The following FRY variants were observed in gnomAD, a reference collection of about 807,000 sequenced individuals.
The protein encoded by FRY is FRY microtubule binding protein.
FRY carries 128 observed loss-of-function variants against 348.4 expected under a neutral mutation model. That is an observed-to-expected ratio of 0.37 (90% confidence interval 0.32 to 0.43). The LOEUF is 0.43. FRY is among the 20% of genes least tolerant of loss of function. The pLI, the probability that FRY is intolerant of heterozygous loss-of-function variation, is 1.00. For missense variants in FRY, 2,736 were observed against 3,695.2 expected, an observed-to-expected ratio of 0.74 and a Z score of 6.73; for synonymous variants, 1,370 against 1,374.7, an observed-to-expected ratio of 1.00 and a Z score of 0.08.
rs372130545 is a variant in FRY, at chr13:32,295,297, C to T, written c.8879C>T (p.Thr2960Met). 43 of 1,613,776 alleles carry T rather than the reference C, an allele frequency of 2.7e-5. No individual in the cohort carries two copies. Among genetic ancestry groups the T allele is most frequent in the Admixed American group, 6.7e-5 (4 of 60,004 alleles). The change falls in exon 61 of 61, where the codon ACG becomes ATG. Residue 2960 changes from threonine to methionine, a missense_variant. Physicochemically the swap from Thr to Met is moderately conservative, Grantham distance 81 (BLOSUM62 -1). Around this residue, in one of 9 missense-constraint regions of FRY, gnomAD observed 157 missense variants for 215.2 expected, o/e 0.73. Coordinates refer to ENST00000542859, the MANE Select transcript of FRY (RefSeq NM_023037.3). ...IYFRHQTLGQTGTYALVGSNQ... is the reference protein window; with the variant it reads ...IYFRHQTLGQMGTYALVGSNQ... ...TTCCGTCACCAAACTCTGGGACAGA[C>T]GGGTACTTATGCCCTGGTGGGGTCT...
intron 54 of FRY, 74 bp downstream of exon 54, chr13:32,265,690 A>G: frequency 3.5e-6 from 5 of 1,411,440 alleles, no homozygotes; most frequent in Non-Finnish European, 4.9e-6. Context: ...ACTCAAGTTA[A>G]GTGTCACAGT....
intron 3 of FRY, among the ~76,000 whole-genome samples, chr13:32,106,145 TA>T (rs1289010761): frequency 6.7e-6 from 1 of 148,184 alleles, no homozygotes; most frequent in African/African-American, 2.4e-5. Context: ...ACATTAAATA[TA>T]CTATTGTATT....
intron 58 of FRY, among the ~76,000 whole-genome samples, chr13:32,281,779 A>G (rs1471952666): frequency 5.9e-5 from 9 of 152,230 alleles, no homozygotes; most frequent in African/African-American, 1.7e-4. Context: ...AGAAGTTGGC[A>G]ATCCTAGTAA....
chr13:32,262,533 A>C, intron 53 of FRY, 58 bp downstream of exon 53: 1 of 1,300,384 alleles, frequency 7.7e-7, no homozygotes. Flanking sequence ...AAAAAAAAAC[A>C]CTTCCAATTT....
In FRY at chr13:32,173,464, G is replaced by C. The variant is rs1409793652; in HGVS notation, c.2249G>C (p.Cys750Ser). The change falls in exon 19 of 61, where the codon TGC (cysteine) becomes TCC (serine). Residue 750 changes from cysteine to serine, a missense_variant. This residue lies in a region of FRY where 449 missense variants were observed against 576.9 expected (regional missense o/e 0.78). Coordinates refer to ENST00000542859, the MANE Select transcript of FRY (RefSeq NM_023037.3). Reference protein sequence around the residue: ...AVEGFALVLLCSFQVATRKLS... With the variant: ...AVEGFALVLLSSFQVATRKLS... ...GAAGGTTTTGCTCTGGTTTTACTCTGCAGTTTCCAGGTGGCCACACGCAAA... is the reference window on the plus strand; with the variant it reads ...GAAGGTTTTGCTCTGGTTTTACTCTCCAGTTTCCAGGTGGCCACACGCAAA... The C allele has an allele frequency of 6.2e-7, 1 of 1,612,946 alleles. No homozygotes were observed. Among genetic ancestry groups the C allele is most frequent in the Non-Finnish European group, 8.5e-7 (1 of 1,179,598 alleles).
chr13:32,099,429 G>A (rs929621853), intron 2 of FRY, among the ~76,000 whole-genome samples: 8 of 150,542 alleles, frequency 5.3e-5, no homozygotes, highest in African/African-American at 1.5e-4. Context: ...AAGCAATACC[G>A]CGTGAGTTGA....
chr13:32,250,166 G>A (rs1887004409), intron 49 of FRY, among the ~76,000 whole-genome samples: 1 of 152,210 alleles, frequency 6.6e-6, no homozygotes, highest in African/African-American at 2.4e-5. Context: ...AGATGGCAAG[G>A]GGCGGGGGTA....
At chr13:32,107,312 G>T (rs1221251742) in intron 3 of FRY, among the ~76,000 whole-genome samples, 1 of 152,096 alleles carries the variant, frequency 6.6e-6, no homozygotes, top group Admixed American at 6.5e-5. Flanking sequence ...AGCTGAGATT[G>T]CACCACTGCA....
At chr13:32,088,429 C>G (rs1197342474) in intron 2 of FRY, among the ~76,000 whole-genome samples, 5 of 152,134 alleles carry the variant, frequency 3.3e-5, no homozygotes, top group Non-Finnish European at 7.4e-5. Context: ...TGGAACGTCC[C>G]TTAAATAATC....
chr13:32,174,796 G>T (rs2138225667), intron 19 of FRY, among the ~76,000 whole-genome samples: 1 of 152,060 alleles, frequency 6.6e-6, no homozygotes, highest in East Asian at 1.9e-4. Flanking sequence ...TAAGGCTTTT[G>T]AGTAAATAAT....
intron 27 of FRY, 21 bp downstream of exon 27, chr13:32,186,441 G>C: frequency 1.4e-6 from 2 of 1,473,444 alleles, no homozygotes; most frequent in Non-Finnish European, 1.9e-6. Context: ...TTGTACTCAC[G>C]AATGACTGAG....
At chr13:32,149,641 C>T in intron 13 of FRY, 107 bp from the exon 14 acceptor site, 1 of 725,452 alleles carries the variant, frequency 1.4e-6, no homozygotes, top group Non-Finnish European at 2.5e-6. Flanking sequence ...AGTGCCCCTC[C>T]TCTTTTAGCC....
At chr13:32,033,547 A>G (rs1046567123) in intron 1 of FRY, among the ~76,000 whole-genome samples, 4 of 151,730 alleles carry the variant, frequency 2.6e-5, no homozygotes, top group African/African-American at 9.7e-5. Context: ...CCCTTCCTAA[A>G]CTCCTCTCCC....
At chr13:32,054,695 G>A (rs964071676) in intron 1 of FRY, among the ~76,000 whole-genome samples, 2 of 151,938 alleles carry the variant, frequency 1.3e-5, no homozygotes, top group African/African-American at 2.4e-5. Context: ...AACACGGTGA[G>A]ACCCCGTCTC....
intron 33 of FRY, 81 bp downstream of exon 33, chr13:32,209,812 T>C (rs897343892): frequency 3.0e-6 from 4 of 1,346,160 alleles, no homozygotes; most frequent in Admixed American, 1.7e-5. Context: ...ATGTGCTCTT[T>C]GCTCCAGCTA....
chr13:32,100,050 G>C (rs998359827), intron 2 of FRY, among the ~76,000 whole-genome samples: 1 of 151,718 alleles, frequency 6.6e-6, no homozygotes, highest in Non-Finnish European at 1.5e-5. Flanking sequence ...ACCTTACTTT[G>C]CTTCTAAATC....
chr13:32,166,566 C>T (rs1881750151), intron 17 of FRY, among the ~76,000 whole-genome samples: 1 of 152,142 alleles, frequency 6.6e-6, no homozygotes, highest in South Asian at 2.1e-4. Context: ...AATGTAAAAT[C>T]CCATGTGTTT....
chr13:32,190,366 A>T (rs1433156036), intron 28 of FRY, among the ~76,000 whole-genome samples: 1 of 152,136 alleles, frequency 6.6e-6, no homozygotes, highest in Non-Finnish European at 1.5e-5. Context: ...TAAAACATAA[A>T]TAAAACTCAT....
At chr13:32,082,765 C>T (rs1875582609) in intron 2 of FRY, among the ~76,000 whole-genome samples, 1 of 152,146 alleles carries the variant, frequency 6.6e-6, no homozygotes, top group Non-Finnish European at 1.5e-5. Flanking sequence ...ACATTTGAAT[C>T]TTTATTTCAC....
Sources: gnomAD v4.1 joint callset for allele counts (sites outside exome capture counted in the v4.1 genomes callset) on GRCh38, gnomAD v4.1.1 for gene constraint, gnomAD v4.1.1 regional missense constraint, MANE v1.5 for transcripts, NCBI Gene and HGNC (gene_info 2026-07-23, HGNC 2026-07-21) for gene names.